LYRM4: variants seen among roughly 807,000 people sequenced by gnomAD.
LYRM4 encodes LYR motif-containing protein 4.
A neutral mutation model predicts 11.7 loss-of-function variants in LYRM4; 9 were observed. That is an observed-to-expected ratio of 0.77 (90% confidence interval 0.46 to 1.34). The LOEUF is 1.34. LYRM4 is among the 40% of genes most tolerant of loss of function. The probability of loss-of-function intolerance (pLI) is 0.00; values close to 1 mark genes in which losing one functional copy is unlikely to be tolerated. For missense variants in LYRM4, 133 were observed against 112.5 expected, an observed-to-expected ratio of 1.18 and a Z score of -0.82; for synonymous variants, 42 against 40.4, an observed-to-expected ratio of 1.04 and a Z score of -0.15.
chr6:5,152,092 T>C (rs953271591), intron 2 of LYRM4, among the ~76,000 whole-genome samples: 5 of 152,188 alleles, frequency 3.3e-5, no homozygotes, highest in Non-Finnish European at 7.3e-5. Context: ...TTCTTGTCAA[T>C]ATGTATCACT....
chr6:5,115,768 C>T (rs1390614556), intron 2 of LYRM4, among the ~76,000 whole-genome samples: 1 of 152,156 alleles, frequency 6.6e-6, no homozygotes, highest in Non-Finnish European at 1.5e-5. Context: ...AAAACCCATT[C>T]CAGTATGACA....
intron 2 of LYRM4, among the ~76,000 whole-genome samples, chr6:5,190,964 G>A (rs1265274264): frequency 1.3e-5 from 2 of 152,134 alleles, no homozygotes; most frequent in Non-Finnish European, 2.9e-5. Flanking sequence ...TAAAGGCATT[G>A]TATTAAAAAC....
At chr6:5,231,242 C>A (rs1373400803) in intron 1 of LYRM4, among the ~76,000 whole-genome samples, 1 of 152,036 alleles carries the variant, frequency 6.6e-6, no homozygotes, top group African/African-American at 2.4e-5. Context: ...ACAAAAAACC[C>A]AAACATTTCA....
At chr6:5,167,468 T>C (rs1401645650) in intron 2 of LYRM4, among the ~76,000 whole-genome samples, 2 of 152,242 alleles carry the variant, frequency 1.3e-5, no homozygotes, top group Non-Finnish European at 2.9e-5. Flanking sequence ...TTACTTTTCA[T>C]AAAAGCCTCT....
the LYRM4 span, among the ~76,000 whole-genome samples, chr6:5,065,576 A>G: frequency 0.025 from 3,778 of 152,332 alleles, 147 homozygotes; most frequent in African/African-American, 0.087. Flanking sequence ...CAAATCCACA[A>G]TTAATTGAAG....
chr6:5,167,974 CAG>C (rs997898473), intron 2 of LYRM4, among the ~76,000 whole-genome samples: 1 of 151,826 alleles, frequency 6.6e-6, no homozygotes, highest in Non-Finnish European at 1.5e-5. Flanking sequence ...GGGGCCATGT[CAG>C]AGGGACACAG....
At position 5,155,659 on chromosome 6, in the gene LYRM4, A is replaced by G. The variant is rs76376077; in HGVS notation, c.208-46168T>C. Reference sequence around the variant, plus strand: ...CCTACCAGAAAACCAGGATTCTCACACTGGTCCTGCCATTATTCTGTTGTA... The same window carrying G: ...CCTACCAGAAAACCAGGATTCTCACGCTGGTCCTGCCATTATTCTGTTGTA... On this transcript the variant is annotated intron_variant, in intron 2 of 2. Transcript: ENST00000330636. 9.1e-3 allele frequency among the ~76,000 whole-genome samples: 1,381 copies of G among 152,242 alleles called. 25 individuals are homozygous for G. Among genetic ancestry groups the G allele is most frequent in the African/African-American group, 0.031 (1,289 of 41,526 alleles).
intron 2 of LYRM4, among the ~76,000 whole-genome samples, chr6:5,165,393 T>C (rs1023371887): frequency 3.3e-5 from 5 of 152,204 alleles, no homozygotes; most frequent in Admixed American, 3.3e-4. Flanking sequence ...CAACTGTCCT[T>C]GTTCTAATTT....
chr6:5,154,633 T>A (rs966761859), intron 2 of LYRM4, among the ~76,000 whole-genome samples: 3 of 152,064 alleles, frequency 2.0e-5, no homozygotes, highest in East Asian at 1.9e-4. Context: ...TGACGAACAC[T>A]GTGAAACCCT....
At chr6:5,059,944 G>A in the LYRM4 span, among the ~76,000 whole-genome samples, 1 of 152,108 alleles carries the variant, frequency 6.6e-6, no homozygotes, top group South Asian at 2.1e-4. Flanking sequence ...GGGACTATAG[G>A]CATGAGACAT....
chr6:5,121,867 G>A (rs970608319), intron 2 of LYRM4, among the ~76,000 whole-genome samples: 1 of 152,210 alleles, frequency 6.6e-6, no homozygotes, highest in Non-Finnish European at 1.5e-5. Flanking sequence ...ACAAGGTGAT[G>A]CAAATGCTGA....
chr6:5,137,957 T>G (rs1260822336), intron 2 of LYRM4, among the ~76,000 whole-genome samples: 2 of 152,174 alleles, frequency 1.3e-5, no homozygotes, highest in Non-Finnish European at 2.9e-5. Context: ...CCCTTTCCAC[T>G]GTGTTACTCA....
intron 2 of LYRM4, among the ~76,000 whole-genome samples, chr6:5,200,535 C>T (rs1354946306): frequency 6.6e-6 from 1 of 152,116 alleles, no homozygotes; most frequent in African/African-American, 2.4e-5. Flanking sequence ...GGTAAAAGTG[C>T]AACAGAATAA....
At chr6:5,184,062 A>C (rs544008318) in intron 2 of LYRM4, among the ~76,000 whole-genome samples, 7 of 152,360 alleles carry the variant, frequency 4.6e-5, no homozygotes, top group African/African-American at 1.7e-4. Context: ...TTAAAGAGTA[A>C]GAACCAAAAG....
chr6:5,226,405 A>C (rs1045113301), intron 1 of LYRM4, among the ~76,000 whole-genome samples: 2 of 152,060 alleles, frequency 1.3e-5, no homozygotes, highest in African/African-American at 4.8e-5. Flanking sequence ...CTTTTTTGAG[A>C]TGGAGTTTTG....
the LYRM4 span, among the ~76,000 whole-genome samples, chr6:5,096,358 C>T: frequency 5.3e-5 from 8 of 152,020 alleles, no homozygotes; most frequent in Non-Finnish European, 8.8e-5. Flanking sequence ...GTTGTAGTGG[C>T]GCACACCTGT....
At chr6:5,041,223 GTTAAAAGCTCAAT>G in the LYRM4 span, among the ~76,000 whole-genome samples, 1 of 22,926 alleles carries the variant, frequency 4.4e-5, no homozygotes, top group Non-Finnish European at 2.7e-4. Context: ...CAAACTTATA[GTTAAAAGCTCAAT>G]AACTTCAGTG....
the LYRM4 span, chr6:5,086,477 A>G: frequency 1.3e-6 from 2 of 1,537,286 alleles, no homozygotes; most frequent in South Asian, 2.4e-5. Context: ...GCTGTCTGCT[A>G]CCGCTGCGCG....
At chr6:5,260,522 C>A (rs1764991624) in intron 1 of LYRM4, 126 bp downstream of exon 1, 1 of 1,307,864 alleles carries the variant, frequency 7.6e-7, no homozygotes, top group Admixed American at 2.2e-5. Flanking sequence ...GGAGCCCGGT[C>A]CTTGCCTCGC....
Sources: allele counts gnomAD v4.1 joint callset (sites outside exome capture counted in the v4.1 genomes callset), GRCh38; gene constraint gnomAD v4.1.1; transcripts MANE v1.5; gene names NCBI Gene and HGNC (gene_info 2026-07-23, HGNC 2026-07-21).